PRKCE: variants seen among roughly 807,000 people sequenced by gnomAD.
The protein encoded by PRKCE is protein kinase C epsilon type.
A neutral mutation model predicts 85.4 loss-of-function variants in PRKCE; 16 were observed. The observed-to-expected ratio is 0.19, with a 90% CI of 0.13 to 0.28. The LOEUF (loss-of-function observed/expected upper bound fraction) is 0.28. PRKCE is among the 10% of genes least tolerant of loss of function. The probability of loss-of-function intolerance (pLI) is 1.00; values close to 1 mark genes in which losing one functional copy is unlikely to be tolerated. For missense variants in PRKCE, 573 were observed against 975.2 expected (o/e 0.59, Z 5.49); for synonymous variants, 388 against 371.5 (o/e 1.04, Z -0.51).
rs565809796 is a variant in PRKCE, at chr2:46,159,583, C to A, written c.1921-23C>A. On this transcript the variant is annotated intron_variant, in intron 13 of 14. Coordinates refer to ENST00000306156, the MANE Select transcript of PRKCE (RefSeq NM_005400.3). This position sits in a 1 kb window ranked among gnomAD's most constrained non-coding sequence, Gnocchi z 4.1. ...CTGGCCAGGCCTTTGTCACTAATTC[C>A]GACTCTGTCCTCATCCCTGCAGTTC... 5.7e-6 allele frequency: 9 copies of A among 1,566,398 alleles called. No homozygotes were observed. In the African/African-American group the frequency reaches 1.1e-4, roughly 19 times the overall value.
At chr2:45,995,702 T>C (rs1704158033) in intron 6 of PRKCE, among the ~76,000 whole-genome samples, 1 of 152,216 alleles carries the variant, frequency 6.6e-6, no homozygotes, top group Non-Finnish European at 1.5e-5. Context: ...TTGATCTATT[T>C]GTCTGTTCCA....
intron 1 of PRKCE, among the ~76,000 whole-genome samples, chr2:45,662,903 G>C (rs956091402): frequency 6.6e-6 from 1 of 151,768 alleles, no homozygotes; most frequent in African/African-American, 2.4e-5. Flanking sequence ...AGAATTCCTA[G>C]AATGTAAGGT....
At chr2:45,868,452 T>C (rs905287815) in intron 2 of PRKCE, among the ~76,000 whole-genome samples, 1 of 150,888 alleles carries the variant, frequency 6.6e-6, no homozygotes, top group East Asian at 2.0e-4. Flanking sequence ...AGCCCCTTTT[T>C]CCCTCCTGCC....
intron 11 of PRKCE, among the ~76,000 whole-genome samples, chr2:46,114,970 G>A (rs989551701): frequency 6.6e-6 from 1 of 152,104 alleles, no homozygotes; most frequent in Admixed American, 6.5e-5. Context: ...AAGGTCCCAG[G>A]AACTCTTGTG....
At chr2:46,076,903 C>G (rs549910342) in intron 10 of PRKCE, among the ~76,000 whole-genome samples, 2 of 152,132 alleles carry the variant, frequency 1.3e-5, no homozygotes, top group African/African-American at 2.4e-5. Context: ...AGGATAAATA[C>G]TACGTGATAC....
intron 10 of PRKCE, among the ~76,000 whole-genome samples, chr2:46,023,106 A>AAAAAAAAAAAAAAAAC (rs1706816231): frequency 6.6e-6 from 1 of 151,390 alleles, no homozygotes; most frequent in Non-Finnish European, 1.5e-5. Context: ...AAAAAAAAAA[A>AAAAAAAAAAAAAAAAC]AAAATCATCT....
rs796092958 is a variant in PRKCE at position 45,786,076 on chromosome 2, G to T, written c.349-56924G>T. 4.6e-5 allele frequency among the ~76,000 whole-genome samples: 7 copies of T among 152,270 alleles called. No individual in the cohort carries two copies. The highest frequency in any genetic ancestry group is 2.0e-4 in the Admixed American group (3 of 15,294). ...TCATCGTGGGGGTGAATAGATACCT[G>T]CTTCTCTCCAGGGACCTATGGCCTT... is the stretch of plus-strand genomic sequence containing the variant. On this transcript the variant is annotated intron_variant, in intron 1 of 14. Coordinates refer to ENST00000306156, the MANE Select transcript of PRKCE (RefSeq NM_005400.3). This position sits in a 1 kb window ranked among gnomAD's most constrained non-coding sequence, Gnocchi z 5.3.
intron 1 of PRKCE, among the ~76,000 whole-genome samples, chr2:45,708,140 C>G (rs999067745): frequency 1.3e-5 from 2 of 152,164 alleles, no homozygotes; most frequent in African/African-American, 4.8e-5. Context: ...ATAGGTTGGA[C>G]TCGAGAGCCT....
At chr2:45,930,489 G>C (rs1482186291) in intron 2 of PRKCE, among the ~76,000 whole-genome samples, 1 of 152,202 alleles carries the variant, frequency 6.6e-6, no homozygotes, top group Non-Finnish European at 1.5e-5. Flanking sequence ...TCACCACTGT[G>C]CCTCCCACTG....
chr2:45,672,985 C>G (rs1676248889), intron 1 of PRKCE, among the ~76,000 whole-genome samples: 2 of 152,168 alleles, frequency 1.3e-5, no homozygotes, highest in African/African-American at 4.8e-5. Flanking sequence ...TATGATGGCA[C>G]CACTCTACTC....
intron 10 of PRKCE, among the ~76,000 whole-genome samples, chr2:46,055,894 C>T (rs528038836): frequency 1.4e-3 from 209 of 152,320 alleles, no homozygotes; most frequent in African/African-American, 4.9e-3. Flanking sequence ...AACTCCTGGG[C>T]TCAAATGATC....
At chr2:46,103,241 C>A (rs570035283) in intron 11 of PRKCE, among the ~76,000 whole-genome samples, 7 of 152,078 alleles carry the variant, frequency 4.6e-5, no homozygotes, top group Non-Finnish European at 1.5e-5. Flanking sequence ...TTTGACATAC[C>A]CCCATCATTG....
chr2:45,910,447 T>C (rs979850244), intron 2 of PRKCE, among the ~76,000 whole-genome samples: 3 of 152,086 alleles, frequency 2.0e-5, no homozygotes, highest in Non-Finnish European at 4.4e-5. Flanking sequence ...TAGTACTACT[T>C]TGGGGGTGTG....
intron 2 of PRKCE, among the ~76,000 whole-genome samples, chr2:45,950,377 G>C (rs1430184015): frequency 6.6e-6 from 1 of 152,116 alleles, no homozygotes; most frequent in East Asian, 1.9e-4. Flanking sequence ...TGGTCTTTAG[G>C]AGAATGCATT....
chr2:45,670,360 C>T (rs1436064910), intron 1 of PRKCE, among the ~76,000 whole-genome samples: 1 of 152,180 alleles, frequency 6.6e-6, no homozygotes, highest in Non-Finnish European at 1.5e-5. Context: ...GGTTTTCAAA[C>T]TCTGGGTCAG....
At chr2:46,140,298 T>A (rs1209627626) in intron 11 of PRKCE, among the ~76,000 whole-genome samples, 2 of 152,188 alleles carry the variant, frequency 1.3e-5, no homozygotes, top group Non-Finnish European at 2.9e-5. Flanking sequence ...AAAGGCATTA[T>A]AAACCTGCAA....
intron 2 of PRKCE, among the ~76,000 whole-genome samples, chr2:45,939,239 G>A (rs1699705251): frequency 6.6e-6 from 1 of 152,198 alleles, no homozygotes; most frequent in Non-Finnish European, 1.5e-5. Context: ...GCCAAGTGCT[G>A]TTATTGAAGA....
intron 1 of PRKCE, among the ~76,000 whole-genome samples, chr2:45,733,172 G>A (rs1681736454): frequency 6.6e-6 from 1 of 152,232 alleles, no homozygotes; most frequent in Admixed American, 6.5e-5. Context: ...TGGCTGAGGA[G>A]GTATCAGACT....
At chr2:46,183,439 G>A (rs773507935) in intron 14 of PRKCE, among the ~76,000 whole-genome samples, 52 of 152,194 alleles carry the variant, frequency 3.4e-4, no homozygotes, top group Non-Finnish European at 6.6e-4. Flanking sequence ...CTTTCCACAA[G>A]ATTTATTCCA....
Sources: allele counts gnomAD v4.1 joint callset (sites outside exome capture counted in the v4.1 genomes callset), GRCh38; gene constraint gnomAD v4.1.1; non-coding constraint Gnocchi (gnomAD v3.1); transcripts MANE v1.5; gene names NCBI Gene and HGNC (gene_info 2026-07-23, HGNC 2026-07-21).